Variants in GLIS3 observed in about 807,000 individuals in gnomAD.
GLIS3 encodes zinc finger protein GLIS3.
GLIS3 carries 53 observed loss-of-function variants against 78.6 expected under a neutral mutation model. The observed-to-expected ratio is 0.67, with a 90% CI of 0.54 to 0.85. The LOEUF (loss-of-function observed/expected upper bound fraction) is 0.85. Ranked by LOEUF, GLIS3 falls within the 40% of genes least tolerant of loss-of-function variation. The probability of loss-of-function intolerance (pLI) is 0.00; values close to 1 mark genes in which losing one functional copy is unlikely to be tolerated. For missense variants in GLIS3, 1,703 were observed against 1,231.1 expected, an observed-to-expected ratio of 1.38 and a Z score of -5.74; for synonymous variants, 684 against 509.9, an observed-to-expected ratio of 1.34 and a Z score of -4.60.
At chr9:4,490,185 G>T in the GLIS3 span, among the ~76,000 whole-genome samples, 1 of 152,358 alleles carries the variant, frequency 6.6e-6, no homozygotes, top group Non-Finnish European at 1.5e-5. Context: ...GTTAGGGACA[G>T]AAGAAAACCC....
At chr9:4,048,906 T>A (rs1055741955) in intron 4 of GLIS3, among the ~76,000 whole-genome samples, 1 of 152,218 alleles carries the variant, frequency 6.6e-6, no homozygotes, top group African/African-American at 2.4e-5. Context: ...GGAATGCCAG[T>A]GACCCTACTG....
intron 4 of GLIS3, among the ~76,000 whole-genome samples, chr9:4,004,333 A>G (rs1422983800): frequency 2.0e-5 from 3 of 152,212 alleles, no homozygotes; most frequent in Non-Finnish European, 2.9e-5. Context: ...AGTAAAGAAA[A>G]TAACAGATTG....
At chr9:4,312,618 G>A (rs199795826) in intron 2 of GLIS3, among the ~76,000 whole-genome samples, 1 of 152,184 alleles carries the variant, frequency 6.6e-6, no homozygotes, top group East Asian at 1.9e-4. Flanking sequence ...CTTCTTGATT[G>A]CACTTGCATT....
chr9:4,233,256 C>T (rs1343970858), intron 2 of GLIS3, among the ~76,000 whole-genome samples: 1 of 152,220 alleles, frequency 6.6e-6, no homozygotes, highest in Non-Finnish European at 1.5e-5. Context: ...CAAGTTATAG[C>T]TGGCCACTGT....
chr9:4,384,556 T>TA, the GLIS3 span, among the ~76,000 whole-genome samples: 1 of 149,712 alleles, frequency 6.7e-6, no homozygotes, highest in African/African-American at 2.4e-5. Context: ...ATAATATATA[T>TA]AAAACCTCTT....
intron 4 of GLIS3, among the ~76,000 whole-genome samples, chr9:4,306,569 C>T (rs1038222513): frequency 3.9e-5 from 6 of 152,208 alleles, no homozygotes; most frequent in Admixed American, 2.0e-4. Context: ...ACATTCATTT[C>T]CAAATTCCTA....
chr9:4,196,620 C>T (rs897833219), intron 2 of GLIS3, among the ~76,000 whole-genome samples: 1 of 152,162 alleles, frequency 6.6e-6, no homozygotes, highest in Admixed American at 6.5e-5. Flanking sequence ...AGGTATGCAG[C>T]TTCACTCCTG....
At chr9:4,049,123 G>C (rs1825495390) in intron 4 of GLIS3, among the ~76,000 whole-genome samples, 1 of 152,110 alleles carries the variant, frequency 6.6e-6, no homozygotes, top group Non-Finnish European at 1.5e-5. Flanking sequence ...CACAATGCAA[G>C]AAAGAAAACA....
At chr9:4,163,394 T>C (rs1835654868) in intron 2 of GLIS3, among the ~76,000 whole-genome samples, 1 of 152,280 alleles carries the variant, frequency 6.6e-6, no homozygotes, top group Non-Finnish European at 1.5e-5. Flanking sequence ...ACATAACAAT[T>C]TCATTTTACA....
At chr9:4,394,570 T>C in the GLIS3 span, among the ~76,000 whole-genome samples, 1 of 152,174 alleles carries the variant, frequency 6.6e-6, no homozygotes, top group Non-Finnish European at 1.5e-5. Flanking sequence ...AAGGAAAATT[T>C]ACCTGTAAGT....
chr9:3,892,803 C>T (rs1051232899), intron 7 of GLIS3, among the ~76,000 whole-genome samples: 3 of 152,112 alleles, frequency 2.0e-5, no homozygotes, highest in Non-Finnish European at 4.4e-5. Context: ...ACCTCTTAAC[C>T]ATAAAAAGTA....
chr9:4,152,155 T>A, intron 2 of GLIS3: 1 of 980,048 alleles, frequency 1.0e-6, no homozygotes, highest in Non-Finnish European at 1.2e-6. Flanking sequence ...AAACTCTGCT[T>A]CCTCCAACAC....
At chr9:4,139,340 A>T (rs1036467831) in intron 2 of GLIS3, among the ~76,000 whole-genome samples, 2 of 152,222 alleles carry the variant, frequency 1.3e-5, no homozygotes, top group Admixed American at 1.3e-4. Flanking sequence ...ATGAATAGGT[A>T]ATGAATACAA....
chr9:3,954,705 A>T (rs1336381662), intron 4 of GLIS3, among the ~76,000 whole-genome samples: 1 of 152,212 alleles, frequency 6.6e-6, no homozygotes, highest in Non-Finnish European at 1.5e-5. Flanking sequence ...TTAGAAAAAA[A>T]GAAAATGTCT....
intron 4 of GLIS3, among the ~76,000 whole-genome samples, chr9:4,096,710 C>T (rs1829977381): frequency 6.6e-6 from 1 of 152,096 alleles, no homozygotes; most frequent in Non-Finnish European, 1.5e-5. Flanking sequence ...CGGAGAACAG[C>T]TTATAAACTA....
chr9:4,269,817 C>T (rs547564344), intron 2 of GLIS3, among the ~76,000 whole-genome samples: 76 of 152,148 alleles, frequency 5.0e-4, no homozygotes, highest in South Asian at 4.1e-4. Context: ...CAGGTTTAGA[C>T]GGAGGGCAGG....
chr9:4,435,202 C>T, the GLIS3 span, among the ~76,000 whole-genome samples: 37 of 152,308 alleles, frequency 2.4e-4, 1 homozygote, highest in Admixed American at 2.2e-3. Context: ...CTGGAAGACA[C>T]TTTCTTTGCT....
chr9:4,133,666 T>C (rs1038798835), intron 2 of GLIS3, among the ~76,000 whole-genome samples: 3 of 152,170 alleles, frequency 2.0e-5, no homozygotes, highest in African/African-American at 7.2e-5. Flanking sequence ...AAAAGTCTAA[T>C]ATATGTAATA....
intron 4 of GLIS3, among the ~76,000 whole-genome samples, chr9:3,968,416 G>C (rs894219203): frequency 1.3e-5 from 2 of 152,110 alleles, no homozygotes; most frequent in Admixed American, 1.3e-4. Flanking sequence ...TTTTTTAAAG[G>C]AGGTAGCATT....
Sources: gnomAD v4.1 joint callset for allele counts (sites outside exome capture counted in the v4.1 genomes callset) on GRCh38, gnomAD v4.1.1 for gene constraint, MANE v1.5 for transcripts, NCBI Gene and HGNC (gene_info 2026-07-23, HGNC 2026-07-21) for gene names.